Variants in PACS1 observed in about 807,000 individuals in gnomAD.
PACS1 encodes phosphofurin acidic cluster sorting protein 1.
Under a neutral mutation model 115.0 loss-of-function variants are expected in PACS1, and 24 were observed. The ratio of observed to expected loss-of-function variants is 0.21; its 90% confidence interval spans 0.15 to 0.29. The LOEUF (loss-of-function observed/expected upper bound fraction) is 0.29, where lower values mean the gene tolerates loss of function less well. PACS1 is among the 10% of genes least tolerant of loss of function. The probability of loss-of-function intolerance (pLI) is 1.00; values close to 1 mark genes in which losing one functional copy is unlikely to be tolerated. For missense variants in PACS1, 838 were observed against 1,251.2 expected, an observed-to-expected ratio of 0.67 and a Z score of 4.98; for synonymous variants, 453 against 504.5, an observed-to-expected ratio of 0.90 and a Z score of 1.37.
chr11:66,184,429 A>G (rs1259774400), intron 1 of PACS1, among the ~76,000 whole-genome samples: 1 of 152,084 alleles, frequency 6.6e-6, no homozygotes, highest in Non-Finnish European at 1.5e-5. Context: ...TGTTAAATGC[A>G]AGTTGAGGAT....
At chr11:66,232,901 C>A in intron 14 of PACS1, 59 bp from the exon 15 acceptor site, 1 of 1,305,486 alleles carries the variant, frequency 7.7e-7, no homozygotes, top group Non-Finnish European at 1.1e-6. Flanking sequence ...CCTCTTGGCC[C>A]TTGTGAAGGA....
At chr11:66,119,105 A>C (rs1194065977) in intron 1 of PACS1, among the ~76,000 whole-genome samples, 1 of 151,874 alleles carries the variant, frequency 6.6e-6, no homozygotes, top group Non-Finnish European at 1.5e-5. Flanking sequence ...GAGGCCCCCT[A>C]CTCCCTGCTT....
At chr11:66,208,667 AAAAAAAG>A (rs1197694540) in intron 2 of PACS1, among the ~76,000 whole-genome samples, 1 of 143,202 alleles carries the variant, frequency 7.0e-6, no homozygotes, top group African/African-American at 2.7e-5. Context: ...TTAAAAAAAA[AAAAAAAG>A]AAGAAGAAAA....
chr11:66,230,749 A>C lies in PACS1; in HGVS notation c.1491-56A>C, dbSNP rs1855574229. ...AGGGCTGAGGGAAAGCGGGGCTGGC[A>C]GCAGCTTTGGGGTTGGAGGGGCTAT... On this transcript the variant is annotated intron_variant, in intron 12 of 23. Transcript: ENST00000320580. 1.7e-5 allele frequency: 28 copies of C among 1,613,090 alleles called. No individual in the cohort carries two copies. In the South Asian group the frequency reaches 3.0e-4, roughly 17 times the overall value.
chr11:66,084,233 A>G (rs1054340694), intron 1 of PACS1: 3 of 152,332 alleles, frequency 2.0e-5, no homozygotes, highest in African/African-American at 7.2e-5. Context: ...ACATTTAGGT[A>G]AGCTGGGTGC....
In PACS1 at chr11:66,235,628, A is replaced by G; in HGVS notation, c.2207+225A>G. 1.7e-6 allele frequency: 1 copy of G among 599,316 alleles called. No homozygotes were observed. Among genetic ancestry groups the G allele is most frequent in the Non-Finnish European group, 3.0e-6 (1 of 335,890 alleles). The allele number at this position is 599,316 out of a possible 1,614,324, so 37.1% of individuals were successfully genotyped here. A position where few individuals can be genotyped will look rare whatever the true frequency, so the allele number is the denominator to read the frequency against. ...TCATCAGTTTCCTTTCCTGCCCTTC[A>G]GTATAAAGCAGCCCATCCTCATAGC... On this transcript the variant is annotated intron_variant, in intron 18 of 23. Transcript: ENST00000320580. This position sits in a 1 kb window ranked among gnomAD's most constrained non-coding sequence, Gnocchi z 5.6.
chr11:66,234,089 C>A, intron 16 of PACS1, 43 bp from the exon 17 acceptor site: 1 of 1,536,634 alleles, frequency 6.5e-7, no homozygotes, highest in South Asian at 1.1e-5. Context: ...CACACTGTCT[C>A]ATCTCCTGAC....
chr11:66,215,564 C>T (rs1855181249), intron 4 of PACS1, among the ~76,000 whole-genome samples: 1 of 151,630 alleles, frequency 6.6e-6, no homozygotes, highest in South Asian at 2.1e-4. Context: ...CACACCAGTG[C>T]GTGCCAGCCT....
chr11:66,141,729 TA>T (rs1258423292), intron 1 of PACS1, among the ~76,000 whole-genome samples: 1 of 151,970 alleles, frequency 6.6e-6, no homozygotes, highest in East Asian at 1.9e-4. Context: ...GCCTCCTACG[TA>T]ATGGGCCCTA....
intron 1 of PACS1, among the ~76,000 whole-genome samples, chr11:66,182,694 G>A (rs1382745010): frequency 6.6e-6 from 1 of 152,030 alleles, no homozygotes; most frequent in Non-Finnish European, 1.5e-5. Flanking sequence ...CCTCACTTAT[G>A]TGCTCAGGCT....
chr11:66,168,428 C>T (rs1335257018), intron 1 of PACS1, among the ~76,000 whole-genome samples: 2 of 150,436 alleles, frequency 1.3e-5, no homozygotes, highest in East Asian at 1.9e-4. Flanking sequence ...TGGAGCGAGA[C>T]AGTGTAGAGA....
intron 13 of PACS1, chr11:66,231,929 G>A: frequency 2.4e-6 from 1 of 423,576 alleles, no homozygotes; most frequent in Non-Finnish European, 4.3e-6. Flanking sequence ...TGCCCTGGCA[G>A]GACAACCGCT....
chr11:66,071,175 G>T (rs370587938), intron 1 of PACS1, among the ~76,000 whole-genome samples: 1 of 152,188 alleles, frequency 6.6e-6, no homozygotes, highest in Non-Finnish European at 1.5e-5. Flanking sequence ...CCTCGCCGGC[G>T]CCGGGAGCTG....
chr11:66,118,549 C>T (rs976315846), intron 1 of PACS1, among the ~76,000 whole-genome samples: 1 of 152,020 alleles, frequency 6.6e-6, no homozygotes, highest in Non-Finnish European at 1.5e-5. Context: ...GAAGTCAAGG[C>T]TGCAGTGAGC....
At chr11:66,095,448 T>C (rs1857758439) in intron 1 of PACS1, among the ~76,000 whole-genome samples, 1 of 151,920 alleles carries the variant, frequency 6.6e-6, no homozygotes, top group Admixed American at 6.6e-5. Flanking sequence ...CCATTCACAA[T>C]TGCTTCAAAG....
intron 17 of PACS1, among the ~76,000 whole-genome samples, chr11:66,234,882 TAAAATA>T (rs1855675358): frequency 6.6e-6 from 1 of 151,440 alleles, no homozygotes; most frequent in Non-Finnish European, 1.5e-5. Context: ...AAAAGTAAAA[TAAAATA>T]AAAATAAAAA....
At chr11:66,143,403 T>C (rs1404047685) in intron 1 of PACS1, among the ~76,000 whole-genome samples, 1 of 152,184 alleles carries the variant, frequency 6.6e-6, no homozygotes, top group Non-Finnish European at 1.5e-5. Context: ...TCTGAAGCCC[T>C]CAGAGCAAAG....
chr11:66,208,575 G>A (rs1209536536), intron 2 of PACS1, among the ~76,000 whole-genome samples: 1 of 151,490 alleles, frequency 6.6e-6, no homozygotes, highest in Non-Finnish European at 1.5e-5. Context: ...AGCACTTTGG[G>A]AGGCTGAAGT....
At chr11:66,123,670 T>G (rs555020186) in intron 1 of PACS1, among the ~76,000 whole-genome samples, 27 of 152,018 alleles carry the variant, frequency 1.8e-4, no homozygotes, top group African/African-American at 6.3e-4. Flanking sequence ...TATAGGCACC[T>G]GCCACCGCGC....
Sources: allele counts gnomAD v4.1 joint callset (sites outside exome capture counted in the v4.1 genomes callset), GRCh38; gene constraint gnomAD v4.1.1; non-coding constraint Gnocchi (gnomAD v3.1); transcripts MANE v1.5; gene names NCBI Gene and HGNC (gene_info 2026-07-23, HGNC 2026-07-21).